Variants in MGLL observed in about 807,000 individuals in gnomAD.
MGLL encodes the protein monoglyceride lipase.
In MGLL, 7 loss-of-function variants were observed where a neutral mutation model predicts 29.1. The ratio of observed to expected loss-of-function variants is 0.24; its 90% CI spans 0.14 to 0.45. The LOEUF is 0.45. Among genes scored for constraint, MGLL ranks in the 20% least tolerant of loss-of-function variants. MGLL has a pLI of 0.99. For synonymous variants in MGLL, 148 were observed against 168.3 expected, an observed-to-expected ratio of 0.88 and a Z score of 0.93; for missense variants, 356 against 413.6, an observed-to-expected ratio of 0.86 and a Z score of 1.21.
chr3:127,696,114 G>C (rs372174264), intron 6 of MGLL, among the ~76,000 whole-genome samples: 2 of 152,162 alleles, frequency 1.3e-5, no homozygotes, highest in Admixed American at 6.5e-5. Flanking sequence ...GTGGTCAGAC[G>C]CCCTGACAGG....
At chr3:127,789,624 G>A (rs965911012) in intron 2 of MGLL, among the ~76,000 whole-genome samples, 7 of 152,044 alleles carry the variant, frequency 4.6e-5, no homozygotes, top group Admixed American at 1.3e-4. Flanking sequence ...CTTGAGCCCG[G>A]GAGGTGGAGG....
intron 2 of MGLL, 71 bp downstream of exon 2, chr3:127,821,623 G>A (rs1165700610): frequency 6.3e-7 from 1 of 1,575,926 alleles, no homozygotes; most frequent in African/African-American, 1.4e-5. Flanking sequence ...GATGGCACAT[G>A]ATAACGACCA....
chr3:127,789,164 C>T (rs1023439273), intron 2 of MGLL, among the ~76,000 whole-genome samples: 4 of 152,132 alleles, frequency 2.6e-5, no homozygotes, highest in African/African-American at 9.7e-5. Flanking sequence ...GGTGGAATGC[C>T]AAGGGACACA....
At chr3:127,783,706 A>G (rs9846048) in intron 2 of MGLL, 47,096 of 152,048 alleles carry the variant, frequency 0.31, 9,211 homozygotes, top group African/African-American at 0.54. Context: ...GAATTTTCAC[A>G]CCCTCTTCAC....
intron 5 of MGLL, chr3:127,711,229 G>A (rs1404899165): frequency 1.1e-5 from 2 of 181,510 alleles, no homozygotes; most frequent in African/African-American, 4.6e-5. Context: ...GCTGCCTCGT[G>A]AACATGGGCT....
At position 127,722,406 on chromosome 3, in the gene MGLL, C is replaced by T. The variant is rs544477593; in HGVS notation, c.399+24G>A. 5.6e-6 allele frequency: 9 copies of T among 1,614,046 alleles called. No homozygotes were observed. The African/African-American group carries it at 6.7e-5, about 12-fold the overall frequency. ...GGCTGGAAGCCAGGGTGGATTTAAC[C>T]TGGGTCTTCTGTGGTCTGCTTACCA... On this transcript the variant is annotated intron_variant, in intron 4 of 7. Transcript: ENST00000265052.
intron 2 of MGLL, among the ~76,000 whole-genome samples, chr3:127,812,562 C>T (rs1659912686): frequency 6.6e-6 from 1 of 152,214 alleles, no homozygotes; most frequent in African/African-American, 2.4e-5. Context: ...AGCATGATTG[C>T]TTTCATACTG....
In MGLL at chr3:127,692,093, G is replaced by A; in HGVS notation, c.*105C>T. On this transcript the variant is annotated 3_prime_UTR_variant, in exon 8 of 8. Coordinates refer to ENST00000265052, the MANE Select transcript of MGLL (RefSeq NM_007283.7). ...TGTGCTAAGGATTTCTCCAATTTCT[G>A]ATTTTTTTTTTTTTTTTTTTTTGGC... is the stretch of plus-strand genomic sequence containing the variant. The A allele has an allele frequency of 1.8e-6, 2 of 1,107,424 alleles. No homozygotes were observed. Among genetic ancestry groups the A allele is most frequent in the East Asian group, 2.8e-5 (1 of 36,162 alleles). 68.6% of individuals were successfully genotyped at this position (1,107,424 alleles called of 1,614,324 possible).
intron 6 of MGLL, among the ~76,000 whole-genome samples, chr3:127,707,980 G>A (rs552367673): frequency 9.9e-5 from 15 of 152,210 alleles, no homozygotes; most frequent in African/African-American, 3.6e-4. Context: ...TCTTCCCTGG[G>A]GCCTGTGCAC....
chr3:127,740,480 G>A lies in MGLL; in HGVS notation c.263-17914C>T, dbSNP rs143439256. 9.3e-3 allele frequency among the ~76,000 whole-genome samples: 1,410 copies of A among 152,294 alleles called. 15 individuals carry two copies. The highest frequency in any genetic ancestry group is 0.029 in the African/African-American group (1,197 of 41,552). On this transcript the variant is annotated intron_variant, in intron 3 of 7. Transcript: ENST00000265052. ...GAGTGGACTTCGCAAAAACCCCTCT[G>A]AGGACTGCCGGGACCCAGGTCGCCG... is the stretch of plus-strand genomic sequence containing the variant.
intron 5 of MGLL, among the ~76,000 whole-genome samples, chr3:127,718,742 G>A (rs2075862936): frequency 6.6e-6 from 1 of 152,152 alleles, no homozygotes; most frequent in Admixed American, 6.5e-5. Context: ...TGGTACCATG[G>A]GTTGCTGCCC....
At chr3:127,804,835 C>T (rs967468807) in intron 2 of MGLL, among the ~76,000 whole-genome samples, 2 of 152,158 alleles carry the variant, frequency 1.3e-5, no homozygotes, top group African/African-American at 4.8e-5. Context: ...CTGCAGGCAC[C>T]TCGACCCCTG....
intron 3 of MGLL, among the ~76,000 whole-genome samples, chr3:127,772,982 T>C (rs559591977): frequency 2.9e-4 from 44 of 152,332 alleles, no homozygotes; most frequent in African/African-American, 1.0e-3. Flanking sequence ...CTGTGAGGAA[T>C]AGATCCCTGC....
chr3:127,709,428 A>G (rs1354707906), intron 6 of MGLL, among the ~76,000 whole-genome samples: 1 of 152,166 alleles, frequency 6.6e-6, no homozygotes, highest in Non-Finnish European at 1.5e-5. Context: ...GAGGCCTAGG[A>G]GTTTTCAACC....
chr3:127,772,910 G>A (rs1340039493), intron 3 of MGLL, among the ~76,000 whole-genome samples: 1 of 152,188 alleles, frequency 6.6e-6, no homozygotes, highest in Non-Finnish European at 1.5e-5. Flanking sequence ...ACCAGGAGGT[G>A]GTTCTCTCAC....
At chr3:127,722,624 G>A (rs1173645850) in intron 3 of MGLL, 58 bp from the exon 4 acceptor site, 2 of 1,610,624 alleles carry the variant, frequency 1.2e-6, no homozygotes, top group Non-Finnish European at 1.7e-6. Context: ...TCCTACACAA[G>A]CCCAGAGTTC....
intron 3 of MGLL, among the ~76,000 whole-genome samples, chr3:127,748,018 G>A (rs767043891): frequency 1.2e-4 from 19 of 152,326 alleles, no homozygotes; most frequent in African/African-American, 2.6e-4. Flanking sequence ...GAGATTTCAC[G>A]CGGGGAGGAG....
Position 127,695,039 on chromosome 3 carries a change from A to G in MGLL, c.752T>C (p.Leu251Pro). The G allele has an allele frequency of 6.2e-7, 1 of 1,614,084 alleles. No homozygotes were observed. The highest frequency in any genetic ancestry group is 8.5e-7 in the Non-Finnish European group (1 of 1,180,004). The stretch of plus-strand genomic sequence containing the variant: ...CAGGTAGGCCCCTTTGCTGTCACAT[A>G]GGCGATCGGCAGAGCCCTGGAGCAG... ...FLLLQGSADR[L>P]CDSKGAYLLM... The change falls in exon 7 of 8, where the codon CTA (leucine) becomes CCA (proline). Residue 251 changes from leucine (L) to proline (P), a missense_variant. Coordinates refer to ENST00000265052, the MANE Select transcript of MGLL (RefSeq NM_007283.7).
At position 127,726,177 on chromosome 3, in the gene MGLL, AAAGAAAGAAAAGAAAAG is replaced by A. The variant is rs201982559; in HGVS notation, c.263-3628_263-3612del. 7.2e-3 allele frequency among the ~76,000 whole-genome samples: 307 copies of A among 42,522 alleles called. 4 individuals carry two copies. The highest frequency in any genetic ancestry group is 0.044 in the East Asian group (83 of 1,904). The allele number at this position is 42,522 out of a possible 152,430, so 27.9% of individuals were successfully genotyped here. ...GAAAGAAAGAAAGAAAGAAAGAAAG[AAAGAAAGAAAAGAAAAG>A]AAAGAAAGAAAGACAGAAGGAAGGA... On this transcript the variant is annotated intron_variant, in intron 3 of 7. Transcript: ENST00000265052.
Sources: gnomAD v4.1 joint callset for allele counts (sites outside exome capture counted in the v4.1 genomes callset) on GRCh38, gnomAD v4.1.1 for gene constraint, MANE v1.5 for transcripts, NCBI Gene and HGNC (gene_info 2026-07-23, HGNC 2026-07-21) for gene names.